The following GNAL variants were observed in gnomAD, a reference collection of about 807,000 sequenced individuals.
GNAL encodes the protein guanine nucleotide-binding protein G(olf) subunit alpha.
In GNAL, 18 loss-of-function variants were observed where a neutral mutation model predicts 55.1. That is an observed-to-expected ratio of 0.33 (90% CI 0.23 to 0.48). The LOEUF (loss-of-function observed/expected upper bound fraction) is 0.48, where lower values mean the gene tolerates loss of function less well. Ranked by LOEUF, GNAL falls within the 20% of genes least tolerant of loss-of-function variation. The probability of loss-of-function intolerance (pLI) is 0.99; values close to 1 mark genes in which losing one functional copy is unlikely to be tolerated. For synonymous variants in GNAL, 253 were observed against 237.0 expected (o/e 1.07, Z -0.62); for missense variants, 412 against 614.1 (o/e 0.67, Z 3.48).
rs1214091393 is a variant in GNAL at position 11,825,107 on chromosome 18, G to C, written c.722+92G>C. 1.6e-5 allele frequency: 12 copies of C among 736,286 alleles called. No individual in the cohort carries two copies. The East Asian group carries it at 3.3e-4, about 20-fold the overall frequency. 45.6% of individuals were successfully genotyped at this position (736,286 alleles called of 1,614,324 possible). The stretch of plus-strand genomic sequence containing the variant: ...CCTTCTCAGTACTGAAGTTTCTTGA[G>C]TGCAAGGAATGAATAATTAACCTTT... On this transcript the variant is annotated intron_variant, in intron 5 of 11. Transcript: ENST00000334049.
chr18:11,727,841 T>C (rs2032247015), intron 1 of GNAL, among the ~76,000 whole-genome samples: 1 of 152,228 alleles, frequency 6.6e-6, no homozygotes, highest in Non-Finnish European at 1.5e-5. Flanking sequence ...TAACTGGCTA[T>C]ACATTTTAAC....
intron 1 of GNAL, among the ~76,000 whole-genome samples, chr18:11,724,460 C>T (rs1437428982): frequency 6.6e-6 from 1 of 152,204 alleles, no homozygotes; most frequent in Non-Finnish European, 1.5e-5. Flanking sequence ...AAAGACGGTG[C>T]AGTGCTGTAG....
intron 1 of GNAL, among the ~76,000 whole-genome samples, chr18:11,747,819 G>A (rs1340471516): frequency 6.6e-6 from 1 of 152,186 alleles, no homozygotes; most frequent in African/African-American, 2.4e-5. Flanking sequence ...TCTCCACGAG[G>A]TGACCAGGAC....
intron 7 of GNAL, among the ~76,000 whole-genome samples, chr18:11,866,718 C>T (rs565925428): frequency 6.7e-6 from 1 of 150,208 alleles, no homozygotes; most frequent in South Asian, 2.1e-4. Context: ...CAGCAAGGAG[C>T]CTTTCTCAAT....
chr18:11,825,122 A>C lies in GNAL; in HGVS notation c.722+107A>C, dbSNP rs144592248. The C allele has an allele frequency of 5.4e-4, 368 of 676,284 alleles. 3 individuals carry two copies. In the African/African-American group the frequency reaches 6.4e-3, roughly 12 times the overall value. 41.9% of individuals were successfully genotyped at this position (676,284 alleles called of 1,614,324 possible). A position where few individuals can be genotyped will look rare whatever the true frequency, so the allele number is the denominator to read the frequency against. On this transcript the variant is annotated intron_variant, in intron 5 of 11. Coordinates refer to ENST00000334049, the MANE Select transcript of GNAL (RefSeq NM_182978.4). ...AGTTTCTTGAGTGCAAGGAATGAAT[A>C]ATTAACCTTTTATGACAGAAATCAA...
chr18:11,843,926 T>G (rs139322672), intron 5 of GNAL, among the ~76,000 whole-genome samples: 1 of 151,902 alleles, frequency 6.6e-6, no homozygotes, highest in Non-Finnish European at 1.5e-5. Flanking sequence ...TGAGCCGAGA[T>G]TGTGCCATTG....
intron 1 of GNAL, among the ~76,000 whole-genome samples, chr18:11,743,780 T>C (rs1404422959): frequency 6.6e-6 from 1 of 152,248 alleles, no homozygotes; most frequent in Non-Finnish European, 1.5e-5. Flanking sequence ...TGATTTTCAC[T>C]GTTCAAATGC....
At chr18:11,845,612 C>T (rs550994897) in intron 5 of GNAL, among the ~76,000 whole-genome samples, 94 of 133,450 alleles carry the variant, frequency 7.0e-4, no homozygotes, top group African/African-American at 2.8e-3. Flanking sequence ...AGTAGATTTT[C>T]CTCCTACAAA....
intron 1 of GNAL, among the ~76,000 whole-genome samples, chr18:11,690,246 G>A (rs1299688705): frequency 6.6e-6 from 1 of 152,028 alleles, no homozygotes; most frequent in Non-Finnish European, 1.5e-5. Context: ...TCTCCCCCTC[G>A]ATTGATCACC....
At chr18:11,841,380 G>C (rs140995811) in intron 5 of GNAL, among the ~76,000 whole-genome samples, 1 of 151,960 alleles carries the variant, frequency 6.6e-6, no homozygotes, top group Non-Finnish European at 1.5e-5. Flanking sequence ...GGCCGGGCAC[G>C]GTGGCCTATA....
intron 4 of GNAL, among the ~76,000 whole-genome samples, chr18:11,814,056 T>G (rs2034890894): frequency 6.6e-6 from 1 of 152,112 alleles, no homozygotes; most frequent in South Asian, 2.1e-4. Context: ...GCATGGATCA[T>G]AGGCCTAAAT....
chr18:11,769,131 ATATAT>A (rs1228371906), intron 4 of GNAL, among the ~76,000 whole-genome samples: 2 of 98,584 alleles, frequency 2.0e-5, no homozygotes. Context: ...TATATGTAAT[ATATAT>A]TATAATATAG....
intron 4 of GNAL, among the ~76,000 whole-genome samples, chr18:11,777,643 G>T (rs1568022783): frequency 6.6e-6 from 1 of 152,286 alleles, no homozygotes; most frequent in East Asian, 1.9e-4. Flanking sequence ...GAAGTATTTT[G>T]CTGGATGCCT....
At chr18:11,851,344 G>C (rs1360061527) in intron 5 of GNAL, 1 of 883,148 alleles carries the variant, frequency 1.1e-6, no homozygotes. Context: ...CGTCCCGCAG[G>C]CTCCGCCTTT....
At chr18:11,740,009 C>T (rs934234908) in intron 1 of GNAL, among the ~76,000 whole-genome samples, 18 of 152,176 alleles carry the variant, frequency 1.2e-4, no homozygotes, top group African/African-American at 4.3e-4. Context: ...GGATGTGTCC[C>T]CTGTCCCAGC....
At position 11,882,697 on chromosome 18, in the gene GNAL, A is replaced by C. The variant is rs1017598334; in HGVS notation, c.*1562A>C. The C allele has an allele frequency of 1.5e-4, 23 of 152,004 alleles. No homozygotes were observed. The highest frequency in any genetic ancestry group is 4.8e-4 in the African/African-American group (20 of 41,438). 9.4% of individuals were successfully genotyped at this position (152,004 alleles called of 1,614,324 possible). On this transcript the variant is annotated 3_prime_UTR_variant, in exon 12 of 12. Transcript: ENST00000334049. ...TGAGACTCAGGCCAAAAAAAAAAAAAAAAAAAACCTTGACGTGTCAATGTT... is the reference window on the plus strand; with the variant it reads ...TGAGACTCAGGCCAAAAAAAAAAAACAAAAAAACCTTGACGTGTCAATGTT...
At chr18:11,770,463 T>A (rs9960859) in intron 4 of GNAL, among the ~76,000 whole-genome samples, 14,632 of 152,268 alleles carry the variant, frequency 0.096, 784 homozygotes, top group African/African-American at 0.14. Flanking sequence ...ATCATATGAG[T>A]TTGACCACCC....
chr18:11,736,136 T>G (rs1456428961), intron 1 of GNAL, among the ~76,000 whole-genome samples: 1 of 152,200 alleles, frequency 6.6e-6, no homozygotes, highest in Non-Finnish European at 1.5e-5. Context: ...GTGGTTCACA[T>G]GTAATTCCAA....
chr18:11,791,574 AC>A (rs2034238120), intron 4 of GNAL, among the ~76,000 whole-genome samples: 1 of 152,240 alleles, frequency 6.6e-6, no homozygotes, highest in South Asian at 2.1e-4. Context: ...CCAACTCCAC[AC>A]TATCTTAATA....
Sources: allele counts gnomAD v4.1 joint callset (sites outside exome capture counted in the v4.1 genomes callset), GRCh38; gene constraint gnomAD v4.1.1; transcripts MANE v1.5; gene names NCBI Gene and HGNC (gene_info 2026-07-23, HGNC 2026-07-21).